Variants in DHX9 observed in about 807,000 individuals in gnomAD.
The protein encoded by DHX9 is DExH-box helicase 9.
A neutral mutation model predicts 148.7 loss-of-function variants in DHX9; 27 were observed. The observed-to-expected ratio is 0.18, with a 90% CI of 0.13 to 0.25. DHX9 has a LOEUF of 0.25. Ranked by LOEUF, DHX9 falls within the 10% of genes least tolerant of loss-of-function variation. The probability of loss-of-function intolerance (pLI) is 1.00; values close to 1 mark genes in which losing one functional copy is unlikely to be tolerated. For missense variants in DHX9, 796 were observed against 1,559.6 expected, an observed-to-expected ratio of 0.51 and a Z score of 8.25; for synonymous variants, 529 against 516.6, an observed-to-expected ratio of 1.02 and a Z score of -0.33.
chr1:182,880,206 A>G (rs1440364918), intron 21 of DHX9, among the ~76,000 whole-genome samples: 1 of 152,162 alleles, frequency 6.6e-6, no homozygotes, highest in African/African-American at 2.4e-5. Flanking sequence ...TATGGCATGT[A>G]GAAACTTACG....
intron 12 of DHX9, among the ~76,000 whole-genome samples, chr1:182,864,649 A>C (rs1009603994): frequency 6.6e-6 from 1 of 152,252 alleles, no homozygotes; most frequent in Non-Finnish European, 1.5e-5. Context: ...AAATCAGAGA[A>C]GCATATAAAA....
chr1:182,872,536 G>A (rs746966568), intron 15 of DHX9, 43 bp downstream of exon 15: 6 of 1,567,014 alleles, frequency 3.8e-6, no homozygotes, highest in Non-Finnish European at 4.3e-6. Flanking sequence ...TTGTGCAATA[G>A]GGTTTGTATT....
Position 182,858,415 on chromosome 1 carries a change from C to T in DHX9, c.811-136C>T. 5 of 1,056,652 alleles carry T rather than the reference C, an allele frequency of 4.7e-6. No individual in the cohort carries two copies. In the South Asian group the frequency reaches 7.9e-5, roughly 17 times the overall value. 65.5% of individuals were successfully genotyped at this position (1,056,652 alleles called of 1,614,324 possible). A position where few individuals can be genotyped will look rare whatever the true frequency, so the allele number is the denominator to read the frequency against. On this transcript the variant is annotated intron_variant, in intron 8 of 27. Coordinates refer to ENST00000367549, the MANE Select transcript of DHX9 (RefSeq NM_001357.5). ...TCATAATAGGCAGTGAGTAAATAAT[C>T]ATTGAAGTAATTCTCTCACAAAAGG...
chr1:182,842,021 CAT>C (rs1185992475), intron 1 of DHX9, among the ~76,000 whole-genome samples: 1 of 152,162 alleles, frequency 6.6e-6, no homozygotes. Flanking sequence ...GAGAATAAAA[CAT>C]TGAATTTATA....
At chr1:182,877,832 C>A in intron 19 of DHX9, 189 bp from the exon 20 acceptor site, 1 of 656,048 alleles carries the variant, frequency 1.5e-6, no homozygotes, top group Non-Finnish European at 2.5e-6. Flanking sequence ...TGTTACATTG[C>A]CTTTTAGTAG....
chr1:182,842,461 C>T (rs1285996246), intron 1 of DHX9, 84 bp from the exon 2 acceptor site: 3 of 711,634 alleles, frequency 4.2e-6, no homozygotes, highest in Admixed American at 5.9e-5. Context: ...CTATGTTTAA[C>T]CCAGATTCAG....
chr1:182,852,367 C>A, intron 4 of DHX9, 23 bp downstream of exon 4: 2 of 1,506,438 alleles, frequency 1.3e-6, no homozygotes, highest in Non-Finnish European at 9.1e-7. Flanking sequence ...AATCCATGCA[C>A]GTGGTGGAGA....
intron 12 of DHX9, among the ~76,000 whole-genome samples, chr1:182,862,128 T>C (rs1392665735): frequency 6.6e-6 from 1 of 152,228 alleles, no homozygotes; most frequent in Admixed American, 6.5e-5. Context: ...CTACCACTGT[T>C]GAATCATTTT....
At chr1:182,873,959 C>T (rs2102614235) in intron 15 of DHX9, among the ~76,000 whole-genome samples, 1 of 152,002 alleles carries the variant, frequency 6.6e-6, no homozygotes, top group Non-Finnish European at 1.5e-5. Context: ...AAAGAGTTCC[C>T]AATGGCCAAA....
At chr1:182,849,417 G>A (rs1668091466) in intron 3 of DHX9, among the ~76,000 whole-genome samples, 1 of 151,966 alleles carries the variant, frequency 6.6e-6, no homozygotes, top group South Asian at 2.1e-4. Flanking sequence ...TTTAAAAAAA[G>A]TATTATAATC....
Position 182,887,661 on chromosome 1 carries a change from T to C in DHX9, c.*227T>C. On this transcript the variant is annotated 3_prime_UTR_variant, in exon 28 of 28. Transcript: ENST00000367549. ...TTAAAAATACCACAGTTTGTATTTTTTCTTTAAGGAGTAAAGATTTGCCTT... is the reference window on the plus strand; with the variant it reads ...TTAAAAATACCACAGTTTGTATTTTCTCTTTAAGGAGTAAAGATTTGCCTT... 2.1e-6 allele frequency: 1 copy of C among 467,150 alleles called. No individual in the cohort carries two copies. The highest frequency in any genetic ancestry group is 3.8e-6 in the Non-Finnish European group (1 of 262,614). 28.9% of individuals were successfully genotyped at this position (467,150 alleles called of 1,614,324 possible).
Position 182,858,132 on chromosome 1 carries a change from T to C in DHX9, c.702T>C (p.Asn234=), listed in dbSNP as rs975679678. 6.2e-7 allele frequency: 1 copy of C among 1,613,294 alleles called. No individual in the cohort carries two copies. The highest frequency in any genetic ancestry group is 1.3e-5 in the African/African-American group (1 of 74,878). The change falls in exon 8 of 28, where the codon AAT becomes AAC. Residue 234 remains asparagine (N), a synonymous_variant. Coordinates refer to ENST00000367549, the MANE Select transcript of DHX9 (RefSeq NM_001357.5). ...TTTTTGCACGAGAACATGGATCAAATAAGAAATTGGCAGCACAGTCCTGTG... is the reference window on the plus strand; with the variant it reads ...TTTTTGCACGAGAACATGGATCAAACAAGAAATTGGCAGCACAGTCCTGTG... ...RRIFAREHGS[N]KKLAAQSCAL...
intron 14 of DHX9, among the ~76,000 whole-genome samples, chr1:182,871,273 A>G (rs1648543335): frequency 6.6e-6 from 1 of 152,232 alleles, no homozygotes; most frequent in Non-Finnish European, 1.5e-5. Flanking sequence ...GCTAATAAAC[A>G]TGGAGATACT....
intron 3 of DHX9, among the ~76,000 whole-genome samples, chr1:182,850,860 T>C (rs1040473372): frequency 6.6e-6 from 1 of 152,214 alleles, no homozygotes; most frequent in Admixed American, 6.5e-5. Flanking sequence ...TCACCTATTT[T>C]AATTGATTTT....
At chr1:182,876,568 G>T (rs1160974276) in intron 18 of DHX9, 27 bp downstream of exon 18, 2 of 1,573,144 alleles carry the variant, frequency 1.3e-6, no homozygotes, top group Non-Finnish European at 1.7e-6. Context: ...AGAGTGATGG[G>T]ATTGGAAGTG....
Position 182,856,518 on chromosome 1 carries a change from A to G in DHX9, c.627-14A>G, listed in dbSNP as rs1485041539. 10 of 1,613,108 alleles carry G rather than the reference A, an allele frequency of 6.2e-6. No homozygotes were observed. The highest frequency in any genetic ancestry group is 1.6e-4 in the Middle Eastern group (1 of 6,062). Reference sequence around the variant, plus strand: ...CAGTGAAATTTCTAACCTTGCTTGTATATGTTGTTACAGGAGCTTTATTGC... The same window carrying G: ...CAGTGAAATTTCTAACCTTGCTTGTGTATGTTGTTACAGGAGCTTTATTGC... On this transcript the variant is annotated splice_polypyrimidine_tract_variant and intron_variant, in intron 6 of 27. Coordinates refer to ENST00000367549, the MANE Select transcript of DHX9 (RefSeq NM_001357.5).
chr1:182,843,158 TTTTATA>T (rs556264875), intron 2 of DHX9, 130 bp from the exon 3 acceptor site: 40 of 552,778 alleles, frequency 7.2e-5, no homozygotes, highest in Middle Eastern at 5.3e-4. Context: ...ATTCTCTTAT[TTTTATA>T]TTTATATTTA....
intron 1 of DHX9, among the ~76,000 whole-genome samples, chr1:182,840,342 C>G (rs1557960733): frequency 1.4e-5 from 2 of 146,096 alleles, no homozygotes; most frequent in South Asian, 4.3e-4. Flanking sequence ...GCTCTGTCGC[C>G]AGACTGGAGT....
chr1:182,842,952 T>C (rs1314565559), intron 2 of DHX9, among the ~76,000 whole-genome samples: 2 of 152,234 alleles, frequency 1.3e-5, no homozygotes, highest in East Asian at 3.8e-4. Flanking sequence ...TTTGCAGTTT[T>C]ATAAGCACGT....
Sources: gnomAD v4.1 joint callset for allele counts (sites outside exome capture counted in the v4.1 genomes callset) on GRCh38, gnomAD v4.1.1 for gene constraint, MANE v1.5 for transcripts, NCBI Gene and HGNC (gene_info 2026-07-23, HGNC 2026-07-21) for gene names.